Variants in PTPRT observed in about 807,000 individuals in gnomAD.
PTPRT encodes the protein receptor-type tyrosine-protein phosphatase T.
In PTPRT, 56 loss-of-function variants were observed where a neutral mutation model predicts 176.8. The observed-to-expected ratio is 0.32, with a 90% CI of 0.26 to 0.40. The LOEUF (loss-of-function observed/expected upper bound fraction) is 0.40, where lower values mean the gene tolerates loss of function less well. Among genes scored for constraint, PTPRT ranks in the 10% least tolerant of loss-of-function variants. PTPRT has a pLI of 1.00. For synonymous variants in PTPRT, 783 were observed against 739.0 expected (o/e 1.06, Z -0.96); for missense variants, 1,540 against 1,908.2 (o/e 0.81, Z 3.60).
intron 15 of PTPRT, among the ~76,000 whole-genome samples, chr20:42,223,931 G>A (rs1286614888): frequency 5.9e-5 from 9 of 152,120 alleles, no homozygotes; most frequent in African/African-American, 1.9e-4. Flanking sequence ...TTAATAAAAC[G>A]ATATTTACAA....
At chr20:42,343,292 C>T (rs919088001) in intron 11 of PTPRT, among the ~76,000 whole-genome samples, 9 of 152,178 alleles carry the variant, frequency 5.9e-5, no homozygotes, top group Admixed American at 3.3e-4. Context: ...TTCCCTCCCT[C>T]GGCATCTATT....
At chr20:42,282,668 T>G (rs2057160218) in intron 12 of PTPRT, 143 bp from the exon 13 acceptor site, 1 of 669,842 alleles carries the variant, frequency 1.5e-6, no homozygotes, top group South Asian at 2.5e-5. Flanking sequence ...CCCTTTCCAT[T>G]TTTTTCCCCA....
At chr20:42,621,218 G>A (rs150957586) in intron 7 of PTPRT, among the ~76,000 whole-genome samples, 20 of 152,160 alleles carry the variant, frequency 1.3e-4, no homozygotes, top group East Asian at 3.9e-4. Flanking sequence ...GCTCTAGATC[G>A]CCTGCCCTCC....
chr20:42,613,049 T>A (rs1265795168), intron 7 of PTPRT, among the ~76,000 whole-genome samples: 1 of 152,214 alleles, frequency 6.6e-6, no homozygotes. Context: ...TTTAAAAAGA[T>A]TTTTATTTTC....
chr20:42,719,420 A>G (rs79620541), intron 6 of PTPRT, among the ~76,000 whole-genome samples: 13,967 of 152,224 alleles, frequency 0.092, 880 homozygotes, highest in Non-Finnish European at 0.14. Context: ...ACCAAGAGAT[A>G]TAGTTATGGA....
At chr20:42,179,928 C>A (rs1990444683) in intron 16 of PTPRT, among the ~76,000 whole-genome samples, 1 of 152,136 alleles carries the variant, frequency 6.6e-6, no homozygotes, top group African/African-American at 2.4e-5. Context: ...CAAGAAGATG[C>A]AGAAATCAAT....
chr20:42,753,877 C>T (rs776500161), intron 6 of PTPRT, among the ~76,000 whole-genome samples: 6 of 152,320 alleles, frequency 3.9e-5, no homozygotes, highest in South Asian at 2.1e-4. Context: ...ATAAACCAAG[C>T]GTTTTCTGGT....
intron 7 of PTPRT, among the ~76,000 whole-genome samples, chr20:42,600,984 G>A (rs2073771001): frequency 6.6e-6 from 1 of 152,114 alleles, no homozygotes; most frequent in Non-Finnish European, 1.5e-5. Context: ...TCTGTCCTGA[G>A]TCAATGTCAA....
At chr20:42,504,309 CAATG>C in intron 7 of PTPRT, among the ~76,000 whole-genome samples, 1 of 151,846 alleles carries the variant, frequency 6.6e-6, no homozygotes, top group Non-Finnish European at 1.5e-5. Context: ...AACATTTGTT[CAATG>C]AATGAATGAA....
intron 12 of PTPRT, among the ~76,000 whole-genome samples, chr20:42,308,416 C>T (rs2057577859): frequency 6.6e-6 from 1 of 152,054 alleles, no homozygotes; most frequent in Non-Finnish European, 1.5e-5. Flanking sequence ...AGCTGGGACA[C>T]AGACACAAGT....
chr20:42,301,460 G>C (rs2057466510), intron 12 of PTPRT, among the ~76,000 whole-genome samples: 1 of 152,100 alleles, frequency 6.6e-6, no homozygotes, highest in Admixed American at 6.6e-5. Context: ...CCCTGGACCA[G>C]GTTTTTTTTT....
intron 2 of PTPRT, among the ~76,000 whole-genome samples, chr20:42,796,564 C>T (rs1190284659): frequency 6.6e-6 from 1 of 152,248 alleles, no homozygotes; most frequent in Non-Finnish European, 1.5e-5. Flanking sequence ...CCGCAGACAA[C>T]TCTGCCGTTC....
chr20:42,793,385 C>A (rs1156526362), intron 2 of PTPRT, among the ~76,000 whole-genome samples: 2 of 152,206 alleles, frequency 1.3e-5, no homozygotes, highest in African/African-American at 4.8e-5. Flanking sequence ...CACTCTGCGT[C>A]CATGTGTACG....
intron 7 of PTPRT, among the ~76,000 whole-genome samples, chr20:42,650,915 A>G (rs2075018018): frequency 2.0e-5 from 3 of 152,108 alleles, no homozygotes; most frequent in Admixed American, 6.5e-5. Context: ...AAGAAACCCC[A>G]GCAATACCTG....
chr20:42,237,975 T>C (rs2056278185), intron 14 of PTPRT, among the ~76,000 whole-genome samples: 1 of 152,162 alleles, frequency 6.6e-6, no homozygotes, highest in Admixed American at 6.5e-5. Flanking sequence ...GGGGGATACG[T>C]CTTCACAGCC....
chr20:42,533,345 G>A (rs1022571965), intron 7 of PTPRT, among the ~76,000 whole-genome samples: 1 of 152,136 alleles, frequency 6.6e-6, no homozygotes, highest in Non-Finnish European at 1.5e-5. Flanking sequence ...CTCAACTCTG[G>A]TCCTTCCCAG....
intron 1 of PTPRT, among the ~76,000 whole-genome samples, chr20:42,962,866 A>G (rs1600599135): frequency 6.6e-6 from 1 of 152,270 alleles, no homozygotes; most frequent in African/African-American, 2.4e-5. Flanking sequence ...CAGGAGTTCA[A>G]GACCAGCCTG....
rs531962364 is a variant in PTPRT at position 42,536,813 on chromosome 20, A to C, written c.1154-64251T>G. On this transcript the variant is annotated intron_variant, in intron 7 of 30. Transcript: ENST00000373187. ...TAGAGGAAATAGACACTCTTCTATC[A>C]CTGGCAGAAACCAGAGATTTAAGTT... Among the ~76,000 whole-genome samples the C allele has an allele frequency of 1.1e-4, 17 of 152,312 alleles. No homozygotes were observed. The South Asian group carries it at 3.5e-3, about 32-fold the overall frequency.
At chr20:42,233,911 G>A (rs567570423) in intron 15 of PTPRT, among the ~76,000 whole-genome samples, 1 of 152,288 alleles carries the variant, frequency 6.6e-6, no homozygotes, top group Admixed American at 6.5e-5. Context: ...ACCTTCAACT[G>A]CAAGTATGTG....
Sources: gnomAD v4.1 joint callset for allele counts (sites outside exome capture counted in the v4.1 genomes callset) on GRCh38, gnomAD v4.1.1 for gene constraint, MANE v1.5 for transcripts, NCBI Gene and HGNC (gene_info 2026-07-23, HGNC 2026-07-21) for gene names.